Variants in AFDN observed in about 807,000 individuals in gnomAD.
AFDN encodes the protein afadin, adherens junction formation factor, also known as afadin.
AFDN carries 68 observed loss-of-function variants against 216.6 expected under a neutral mutation model. That is an observed-to-expected ratio of 0.31 (90% CI 0.26 to 0.38). The LOEUF is 0.38. AFDN is among the 10% of genes least tolerant of loss of function. The pLI, the probability that AFDN is intolerant of heterozygous loss-of-function variation, is 1.00. For synonymous variants in AFDN, 868 were observed against 853.7 expected (o/e 1.02, Z -0.29); for missense variants, 2,136 against 2,342.0 (o/e 0.91, Z 1.82).
chr6:167,872,115 A>C, intron 3 of AFDN, 99 bp from the exon 4 acceptor site: 1 of 1,116,262 alleles, frequency 9.0e-7, no homozygotes, highest in Non-Finnish European at 1.3e-6. Context: ...AGCTTTGTTC[A>C]CATGTTCGGC....
At chr6:167,884,602 C>A (rs1401877767) in intron 6 of AFDN, among the ~76,000 whole-genome samples, 1 of 151,584 alleles carries the variant, frequency 6.6e-6, no homozygotes, top group East Asian at 1.9e-4. Flanking sequence ...ATTTTTTTTT[C>A]TTCTTTCCTC....
chr6:167,887,868 A>G (rs1787063290), intron 6 of AFDN, among the ~76,000 whole-genome samples: 1 of 152,224 alleles, frequency 6.6e-6, no homozygotes. Context: ...TGGGATAAGA[A>G]GAAGCTGCCC....
Position 167,922,977 on chromosome 6 carries a change from A to T in AFDN, c.3012+18A>T. 6.4e-7 allele frequency: 1 copy of T among 1,554,360 alleles called. No individual in the cohort carries two copies. Among genetic ancestry groups the T allele is most frequent in the Non-Finnish European group, 8.9e-7 (1 of 1,127,392 alleles). Reference sequence around the variant, plus strand: ...CAGAGCTGGCAAGTATTTTGAGGGTACCATGAAGTGAAATGGATCCTTAGG... The same window carrying T: ...CAGAGCTGGCAAGTATTTTGAGGGTTCCATGAAGTGAAATGGATCCTTAGG... On this transcript the variant is annotated intron_variant, in intron 22 of 33. Coordinates refer to ENST00000683244, the MANE Select transcript of AFDN (RefSeq NM_001386888.1).
intron 10 of AFDN, among the ~76,000 whole-genome samples, chr6:167,897,338 T>C (rs904964761): frequency 1.3e-5 from 2 of 152,198 alleles, no homozygotes; most frequent in African/African-American, 2.4e-5. Context: ...TTCGGTAAAT[T>C]CTAATTAAAT....
At position 167,859,071 on chromosome 6, in the gene AFDN, GT is replaced by G. The variant is rs933336720; in HGVS notation, c.106-5461del. ...GTGAAGAAATTTTATGGCCGTTCTT[GT>G]TTTTTTTTTTTTTTTTTTCTTTTTC... On this transcript the variant is annotated intron_variant, in intron 1 of 33. Coordinates refer to ENST00000683244, the MANE Select transcript of AFDN (RefSeq NM_001386888.1). Among the ~76,000 whole-genome samples, 640 of 109,042 alleles carry G rather than the reference GT, an allele frequency of 5.9e-3. 2 individuals are homozygous for G. The highest frequency in any genetic ancestry group is 0.015 in the African/African-American group (454 of 30,434). The allele number at this position is 109,042 out of a possible 152,430, so 71.5% of individuals were successfully genotyped here. A position where few individuals can be genotyped will look rare whatever the true frequency, so the allele number is the denominator to read the frequency against.
intron 10 of AFDN, among the ~76,000 whole-genome samples, chr6:167,897,192 G>A (rs1788368551): frequency 6.6e-6 from 1 of 152,186 alleles, no homozygotes; most frequent in African/African-American, 2.4e-5. Flanking sequence ...TTGGGCTGGT[G>A]ATGACATTGC....
intron 29 of AFDN, among the ~76,000 whole-genome samples, chr6:167,950,571 C>T (rs561144448): frequency 6.6e-6 from 1 of 152,308 alleles, no homozygotes; most frequent in South Asian, 2.1e-4. Flanking sequence ...CTGTGCACAG[C>T]TCTGTCAGCC....
In AFDN at chr6:167,891,034, G is replaced by A; in HGVS notation, c.1177+5G>A. On this transcript the variant is annotated splice_donor_5th_base_variant and intron_variant, in intron 8 of 33. Coordinates refer to ENST00000683244, the MANE Select transcript of AFDN (RefSeq NM_001386888.1). ...ATTTAGTAGAGTTAAGCCCAGGTGAGAAAACTGGTCACACCAGCACACATT... is the reference window on the plus strand; with the variant it reads ...ATTTAGTAGAGTTAAGCCCAGGTGAAAAAACTGGTCACACCAGCACACATT... 1.2e-6 allele frequency: 2 copies of A among 1,606,796 alleles called. No homozygotes were observed. Among genetic ancestry groups the A allele is most frequent in the Non-Finnish European group, 1.7e-6 (2 of 1,177,234 alleles).
intron 9 of AFDN, among the ~76,000 whole-genome samples, 191 bp from the exon 10 acceptor site, chr6:167,896,687 C>G (rs193269312): frequency 2.6e-5 from 4 of 152,102 alleles, no homozygotes; most frequent in Non-Finnish European, 5.9e-5. Flanking sequence ...GAAACTGATA[C>G]GTTTATTTCT....
In AFDN at chr6:167,851,416, T is replaced by G. The variant is rs557129986; in HGVS notation, c.106-13135T>G. 5.3e-5 allele frequency among the ~76,000 whole-genome samples: 8 copies of G among 152,344 alleles called. No homozygotes were observed. The South Asian group carries it at 1.4e-3, about 28-fold the overall frequency. On this transcript the variant is annotated intron_variant, in intron 1 of 33. Coordinates refer to ENST00000683244, the MANE Select transcript of AFDN (RefSeq NM_001386888.1). ...ATCCATTAGATATTTTTTTCTGATC[T>G]TATTTCTTCTTCCACCCTCCACCCT...
chr6:167,844,929 A>T (rs1781496158), intron 1 of AFDN, among the ~76,000 whole-genome samples: 1 of 142,576 alleles, frequency 7.0e-6, no homozygotes, highest in Non-Finnish European at 1.5e-5. Flanking sequence ...GCGCGATCAT[A>T]GCTCACTGTA....
Position 167,862,156 on chromosome 6 carries a change from G to A in AFDN, c.106-2395G>A, listed in dbSNP as rs149468210. 1.8e-4 allele frequency among the ~76,000 whole-genome samples: 27 copies of A among 152,218 alleles called. No homozygotes were observed. In the East Asian group the frequency reaches 4.3e-3, roughly 24 times the overall value. ...TTCTAAAGTGCCATTTTAGGAGTCC[G>A]TGGAAGGGGGTAGCGGCAGATGCTT... On this transcript the variant is annotated intron_variant, in intron 1 of 33. Coordinates refer to ENST00000683244, the MANE Select transcript of AFDN (RefSeq NM_001386888.1).
At chr6:167,937,928 A>G (rs773201478) in intron 23 of AFDN, among the ~76,000 whole-genome samples, 3 of 152,326 alleles carry the variant, frequency 2.0e-5, no homozygotes, top group East Asian at 3.9e-4. Context: ...TTATCGATCA[A>G]TGTTGGTAAA....
chr6:167,919,901 A>G (rs1434448469), intron 21 of AFDN, among the ~76,000 whole-genome samples: 1 of 152,250 alleles, frequency 6.6e-6, no homozygotes, highest in Non-Finnish European at 1.5e-5. Flanking sequence ...AGGTATATAA[A>G]TCTGGTGAGT....
intron 1 of AFDN, 49 bp downstream of exon 1, chr6:167,827,286 G>GCGCCC (rs1368113850): frequency 5.8e-5 from 48 of 823,808 alleles, no homozygotes; most frequent in Non-Finnish European, 7.0e-5. Context: ...CCGCTGCGCC[G>GCGCCC]CGCCCCGCCC....
intron 19 of AFDN, among the ~76,000 whole-genome samples, chr6:167,916,385 A>T (rs963040486): frequency 6.6e-6 from 1 of 152,204 alleles, no homozygotes; most frequent in African/African-American, 2.4e-5. Flanking sequence ...GACACAGTTT[A>T]ACTCATAAGT....
In AFDN at chr6:167,864,782, A is replaced by G. The variant is rs530502019; in HGVS notation, c.301+36A>G. Reference sequence around the variant, plus strand: ...ACAGGAAGGGTTTGCTAGAGGCATGACCTGACCTGTGAAGAGACAGCTTGT... The same window carrying G: ...ACAGGAAGGGTTTGCTAGAGGCATGGCCTGACCTGTGAAGAGACAGCTTGT... On this transcript the variant is annotated intron_variant, in intron 2 of 33. Coordinates refer to ENST00000683244, the MANE Select transcript of AFDN (RefSeq NM_001386888.1). 1.9e-6 allele frequency: 3 copies of G among 1,599,100 alleles called. No individual in the cohort carries two copies. In the Admixed American group the frequency reaches 5.0e-5, roughly 27 times the overall value.
At chr6:167,963,728 T>A in intron 31 of AFDN, 4 of 1,061,562 alleles carry the variant, frequency 3.8e-6, no homozygotes, top group Middle Eastern at 4.2e-4. Flanking sequence ...TCTCAAAGAG[T>A]TTGAGCTTTC....
At chr6:167,914,348 A>G in intron 17 of AFDN, 35 bp downstream of exon 17, 1 of 1,599,754 alleles carries the variant, frequency 6.3e-7, no homozygotes, top group Non-Finnish European at 8.5e-7. Flanking sequence ...GCACTACTCT[A>G]AATAATTAAG....
Sources: allele counts gnomAD v4.1 joint callset (sites outside exome capture counted in the v4.1 genomes callset), GRCh38; gene constraint gnomAD v4.1.1; transcripts MANE v1.5; gene names NCBI Gene and HGNC (gene_info 2026-07-23, HGNC 2026-07-21).